The following GANC variants were observed in gnomAD, a reference collection of about 807,000 sequenced individuals.
GANC encodes the protein neutral alpha-glucosidase C.
GANC carries 117 observed loss-of-function variants against 124.2 expected under a neutral mutation model. The observed-to-expected ratio is 0.94, with a 90% CI of 0.81 to 1.10. The LOEUF (loss-of-function observed/expected upper bound fraction) is 1.10, where lower values mean the gene tolerates loss of function less well. Among genes scored for constraint, GANC ranks in the 50% least tolerant of loss-of-function variants. The pLI is 0.00. For missense variants in GANC, 1,140 were observed against 1,095.0 expected (o/e 1.04, Z -0.58); for synonymous variants, 377 against 376.8 (o/e 1.00, Z -0.01).
chr15:42,339,823 C>T lies in GANC; in HGVS notation c.1998C>T (p.Ile666=). ...TTGGGGAGGAACACACCCGACTCAT[C>T]CGAGAAGCCATCAGAGAGCGCTATG... The part of the protein sequence containing the change: ...WLFGEEHTRL[I]REAIRERYGL... Residue 666 remains isoleucine, a synonymous_variant, in exon 17 of 24, where the codon ATC becomes ATT. Coordinates refer to ENST00000318010, the MANE Select transcript of GANC (RefSeq NM_198141.3). 1 of 1,614,192 alleles carries T rather than the reference C, an allele frequency of 6.2e-7. No individual in the cohort carries two copies. The highest frequency in any genetic ancestry group is 8.5e-7 in the Non-Finnish European group (1 of 1,180,024).
chr15:42,331,872 GA>G (rs1331520935), intron 15 of GANC, among the ~76,000 whole-genome samples: 2 of 151,628 alleles, frequency 1.3e-5, no homozygotes, highest in African/African-American at 4.8e-5. Context: ...AAATGTTTTT[GA>G]TATGATAAAT....
chr15:42,331,292 T>G (rs566085158), intron 15 of GANC, among the ~76,000 whole-genome samples: 5 of 152,218 alleles, frequency 3.3e-5, no homozygotes, highest in African/African-American at 7.2e-5. Flanking sequence ...GATAGTCATC[T>G]TTGGTCCTGT....
At chr15:42,291,749 A>G (rs2051843860) in intron 4 of GANC, among the ~76,000 whole-genome samples, 1 of 152,212 alleles carries the variant, frequency 6.6e-6, no homozygotes, top group African/African-American at 2.4e-5. Context: ...TGTAGTACTC[A>G]AAATGGTTTA....
intron 5 of GANC, among the ~76,000 whole-genome samples, chr15:42,294,539 C>T (rs1265473948): frequency 4.2e-5 from 6 of 143,432 alleles, no homozygotes; most frequent in Non-Finnish European, 9.0e-5. Flanking sequence ...CATACCATTG[C>T]ACTCCAGCCT....
chr15:42,311,858 A>G (rs1473309069), intron 10 of GANC, among the ~76,000 whole-genome samples: 1 of 151,908 alleles, frequency 6.6e-6, no homozygotes, highest in African/African-American at 2.4e-5. Context: ...ACGAAAAAAA[A>G]AATTAGTTCT....
intron 15 of GANC, among the ~76,000 whole-genome samples, chr15:42,337,720 AT>A (rs1179400007): frequency 2.6e-5 from 4 of 152,076 alleles, no homozygotes; most frequent in African/African-American, 9.7e-5. Context: ...GAACTTAAAT[AT>A]TTTTTTTAAA....
At chr15:42,300,746 G>C (rs1399230740) in intron 6 of GANC, among the ~76,000 whole-genome samples, 2 of 152,164 alleles carry the variant, frequency 1.3e-5, no homozygotes, top group Admixed American at 6.5e-5. Flanking sequence ...GGGACTGGGT[G>C]TGTGGCTCAT....
At chr15:42,306,265 T>C (rs1317009693) in intron 6 of GANC, among the ~76,000 whole-genome samples, 2 of 152,324 alleles carry the variant, frequency 1.3e-5, no homozygotes, top group Non-Finnish European at 2.9e-5. Context: ...ACCTGAACTT[T>C]ATACTTGAAA....
intron 3 of GANC, chr15:42,281,235 G>A (rs1566948714): frequency 6.3e-6 from 4 of 637,538 alleles, no homozygotes; most frequent in Non-Finnish European, 5.6e-6. Flanking sequence ...ATTCTGCACT[G>A]AACTCCATTT....
intron 6 of GANC, among the ~76,000 whole-genome samples, chr15:42,303,382 C>T (rs937681713): frequency 6.6e-6 from 1 of 152,078 alleles, no homozygotes; most frequent in Admixed American, 6.6e-5. Flanking sequence ...GAAAAATCAG[C>T]CCTAGCCACT....
In GANC at chr15:42,276,385, G is replaced by T. The variant is rs1481124529; in HGVS notation, c.67G>T (p.Asp23Tyr). The T allele has an allele frequency of 2.1e-6, 3 of 1,442,280 alleles. No homozygotes were observed. The highest frequency in any genetic ancestry group is 2.9e-6 in the Non-Finnish European group (3 of 1,026,404). 89.3% of individuals were successfully genotyped at this position (1,442,280 alleles called of 1,614,324 possible). ...AGCTGTAGATAAAAACATTTTCAGAGACTGTAACAAGATCGCATTTTACAG... is the reference window on the plus strand; with the variant it reads ...AGCTGTAGATAAAAACATTTTCAGATACTGTAACAAGATCGCATTTTACAG... ...DEAVDKNIFR[D>Y]CNKIAFYRRQ... Residue 23 changes from aspartate (D) to tyrosine (Y), a missense_variant, in exon 2 of 24, where the codon GAC (aspartate) becomes TAC (tyrosine). Transcript: ENST00000318010.
At chr15:42,330,750 G>C in intron 15 of GANC, 78 bp downstream of exon 15, 1 of 745,426 alleles carries the variant, frequency 1.3e-6, no homozygotes. Flanking sequence ...TGATGTTACT[G>C]TGCTGATGCC....
In GANC at chr15:42,274,374, A is replaced by G. The variant is rs2051630345; in HGVS notation, c.-108A>G. ...GGACTCCCTTCCCAGAAACTTGACG[A>G]TGAAGTACTGGTTGTAATTTTAGAA... On this transcript the variant is annotated 5_prime_UTR_variant, in exon 1 of 24. It removes an upstream start codon present in the reference 5' UTR. Coordinates refer to ENST00000318010, the MANE Select transcript of GANC (RefSeq NM_198141.3). The G allele has an allele frequency of 2.6e-6, 3 of 1,155,026 alleles. No individual in the cohort carries two copies. Among genetic ancestry groups the G allele is most frequent in the Non-Finnish European group, 3.8e-6 (3 of 797,036 alleles). The allele number at this position is 1,155,026 out of a possible 1,614,324, so 71.5% of individuals were successfully genotyped here.
chr15:42,296,853 T>TG (rs1487395410), intron 5 of GANC, among the ~76,000 whole-genome samples: 1 of 150,612 alleles, frequency 6.6e-6, no homozygotes, highest in Admixed American at 6.6e-5. Flanking sequence ...CTTTTTCCTT[T>TG]TTTTTTTTTT....
chr15:42,333,052 C>T lies in GANC; in HGVS notation c.1741+2380C>T, dbSNP rs540884669. Among the ~76,000 whole-genome samples, 16 of 146,968 alleles carry T rather than the reference C, an allele frequency of 1.1e-4. No homozygotes were observed. The South Asian group carries it at 1.7e-3, about 16-fold the overall frequency. The stretch of plus-strand genomic sequence containing the variant: ...TATATATATATATTTTTTTTGGTCA[C>T]GAGCAGTGGCTCATGTCTGTAATCC... On this transcript the variant is annotated intron_variant, in intron 15 of 23. Coordinates refer to ENST00000318010, the MANE Select transcript of GANC (RefSeq NM_198141.3).
At chr15:42,305,350 CTCA>C (rs1197816144) in intron 6 of GANC, among the ~76,000 whole-genome samples, 1 of 152,182 alleles carries the variant, frequency 6.6e-6, no homozygotes, top group African/African-American at 2.4e-5. Flanking sequence ...ACAAAAAAAG[CTCA>C]TCATCACTGG....
At position 42,352,572 on chromosome 15, in the gene GANC, A is replaced by G; in HGVS notation, c.*433A>G. On this transcript the variant is annotated 3_prime_UTR_variant, in exon 24 of 24. Transcript: ENST00000318010. ...CAAGGCCAGTGTCCAAGTGGACAGC[A>G]GCCTCTGGTACTCCCCCCAGTTATC... The G allele has an allele frequency of 9.9e-7, 1 of 1,015,060 alleles. No individual in the cohort carries two copies. The highest frequency in any genetic ancestry group is 4.1e-5 in the South Asian group (1 of 24,688). 62.9% of individuals were successfully genotyped at this position (1,015,060 alleles called of 1,614,324 possible).
At position 42,352,771 on chromosome 15, in the gene GANC, A is replaced by G. The variant is rs767151884; in HGVS notation, c.*632A>G. The G allele has an allele frequency of 1.1e-5, 11 of 970,508 alleles. No homozygotes were observed. The highest frequency in any genetic ancestry group is 1.8e-5 in the African/African-American group (1 of 56,914). 60.1% of individuals were successfully genotyped at this position (970,508 alleles called of 1,614,324 possible). On this transcript the variant is annotated 3_prime_UTR_variant, in exon 24 of 24. Coordinates refer to ENST00000318010, the MANE Select transcript of GANC (RefSeq NM_198141.3). The stretch of plus-strand genomic sequence containing the variant: ...TAATCTTAAAATCCATGTCTTTTAC[A>G]TTGTTTTTTTAATTAAGTGCTGTTT...
At chr15:42,301,451 AG>A (rs2051945274) in intron 6 of GANC, among the ~76,000 whole-genome samples, 1 of 150,576 alleles carries the variant, frequency 6.6e-6, no homozygotes, top group African/African-American at 2.4e-5. Context: ...AGCTAGCTGC[AG>A]GGGTTTTTTT....
Sources: gnomAD v4.1 joint callset for allele counts (sites outside exome capture counted in the v4.1 genomes callset) on GRCh38, gnomAD v4.1.1 for gene constraint, MANE v1.5 for transcripts, NCBI Gene and HGNC (gene_info 2026-07-23, HGNC 2026-07-21) for gene names.